The following SOD2 variants were observed in gnomAD, a reference collection of about 807,000 sequenced individuals.
The protein encoded by SOD2 is superoxide dismutase [Mn], mitochondrial.
In SOD2, 11 loss-of-function variants were observed where a neutral mutation model predicts 27.0. The observed-to-expected ratio is 0.41, with a 90% CI of 0.26 to 0.67. SOD2 has a LOEUF of 0.67. SOD2 is among the 30% of genes least tolerant of loss of function. The probability of loss-of-function intolerance (pLI) is 0.34; values close to 1 mark genes in which losing one functional copy is unlikely to be tolerated. For synonymous variants in SOD2, 105 were observed against 103.0 expected (o/e 1.02, Z -0.12); for missense variants, 250 against 274.5 (o/e 0.91, Z 0.63).
rs1779937517 is a variant in SOD2, at chr6:159,681,104, G to A, written c.*1389C>T. ...CAGATGATGAAACAACATGGCAAAT[G>A]TATGATGCTAAGCCAAATATACAAA... On this transcript the variant is annotated 3_prime_UTR_variant, in exon 5 of 5. Coordinates refer to ENST00000538183, the MANE Select transcript of SOD2 (RefSeq NM_000636.4). The A allele has an allele frequency of 6.6e-6, 1 of 152,106 alleles. No individual in the cohort carries two copies. Among genetic ancestry groups the A allele is most frequent in the African/African-American group, 2.4e-5 (1 of 41,414 alleles). The allele number at this position is 152,106 out of a possible 1,614,324, so 9.4% of individuals were successfully genotyped here. A position where few individuals can be genotyped will look rare whatever the true frequency, so the allele number is the denominator to read the frequency against.
chr6:159,693,564 C>G (rs1351384331), upstream of SOD2, among the ~76,000 whole-genome samples: 2 of 152,198 alleles, frequency 1.3e-5, no homozygotes, highest in African/African-American at 4.8e-5. Context: ...GCCCGAAGGC[C>G]CTGCCTCCGG....
chr6:159,743,383 C>A (rs917571823), intron 1 of SOD2, among the ~76,000 whole-genome samples: 1 of 152,212 alleles, frequency 6.6e-6, no homozygotes, highest in Non-Finnish European at 1.5e-5. Flanking sequence ...ACATACTAAT[C>A]AGGATTTTGT....
Position 159,759,627 on chromosome 6 carries a change from G to A in SOD2, c.-336+1410C>T, listed in dbSNP as rs977374171. Among the ~76,000 whole-genome samples the A allele has an allele frequency of 8.3e-4, 123 of 147,972 alleles. 1 individual carries two copies. The highest frequency in any genetic ancestry group is 1.5e-3 in the Non-Finnish European group (101 of 67,480). Reference sequence around the variant, plus strand: ...GGAGGTTGTGGTGAGCCGAGATAGCGCCACTGCACTCCAGCCTGGGTGACA... The same window carrying A: ...GGAGGTTGTGGTGAGCCGAGATAGCACCACTGCACTCCAGCCTGGGTGACA... On this transcript the variant is annotated intron_variant, in intron 1 of 7. Transcript: ENST00000546087.
At chr6:159,748,973 A>C (rs1374703653), upstream of SOD2, 1 of 1,055,686 alleles carries the variant, frequency 9.5e-7, no homozygotes, top group Non-Finnish European at 1.1e-6. The surrounding 1 kb of genome is among the most constrained non-coding windows in gnomAD (Gnocchi z 5.6). Flanking sequence ...GCTGAGAACC[A>C]ACTTTCAATA....
upstream of SOD2, chr6:159,727,528 C>T (rs931243311): frequency 7.2e-5 from 71 of 991,984 alleles, no homozygotes; most frequent in Non-Finnish European, 1.7e-5. Context: ...CATTTTGTGG[C>T]AGCGAGACCC....
At chr6:159,690,308 T>TAAA (rs1780396812) in intron 2 of SOD2, among the ~76,000 whole-genome samples, 1 of 112,570 alleles carries the variant, frequency 8.9e-6, no homozygotes, top group African/African-American at 3.5e-5. Context: ...AAAAAAAAAG[T>TAAA]ATGTCTGACT....
upstream of SOD2, among the ~76,000 whole-genome samples, chr6:159,697,034 GACACACACACACACACACACACACAC>G (rs35334577): frequency 7.5e-6 from 1 of 132,648 alleles, no homozygotes. Context: ...AGGAGACCCT[GACACACACACACACACACACACACAC>G]ACACACACAC....
intron 2 of SOD2, among the ~76,000 whole-genome samples, chr6:159,689,617 T>A (rs919485525): frequency 1.3e-5 from 2 of 152,202 alleles, no homozygotes; most frequent in African/African-American, 4.8e-5. Context: ...TCAAGGAGCT[T>A]ACATTTTGGA....
Position 159,692,675 on chromosome 6 carries a change from T to C in SOD2, c.212A>G (p.Glu71Gly). ...NLNVTEEKYQ[E>G]ALAKGDVTAQ... ...CTGGAACCTACCCTTGGCCAACGCC[T>C]CCTGGTACTTCTCCTCGGTGACGTT... Residue 71 changes from glutamate (E) to glycine (G), a missense_variant, in exon 2 of 5, where the codon GAG becomes GGG. By Grantham distance (98) the Glu-to-Gly change is moderately conservative. Coordinates refer to ENST00000538183, the MANE Select transcript of SOD2 (RefSeq NM_000636.4). The C allele has an allele frequency of 1.2e-6, 2 of 1,613,972 alleles. No individual in the cohort carries two copies. Among genetic ancestry groups the C allele is most frequent in the Non-Finnish European group, 1.7e-6 (2 of 1,179,974 alleles).
At chr6:159,682,695 T>A in intron 4 of SOD2, 57 bp from the exon 5 acceptor site, 1 of 1,504,932 alleles carries the variant, frequency 6.6e-7, no homozygotes, top group Non-Finnish European at 8.9e-7. Context: ...AAACATTGCA[T>A]CTTCTCAATT....
chr6:159,711,858 T>C (rs111627887), intron 1 of SOD2, among the ~76,000 whole-genome samples: 14 of 96,710 alleles, frequency 1.4e-4, no homozygotes, highest in East Asian at 4.0e-4. Flanking sequence ...ACCACCTCCA[T>C]AACCACCAGT....
chr6:159,715,712 C>G (rs1249832771), intron 1 of SOD2, among the ~76,000 whole-genome samples: 1 of 152,032 alleles, frequency 6.6e-6, no homozygotes, highest in Non-Finnish European at 1.5e-5. Flanking sequence ...CCAGCCTGGC[C>G]AACATGGTGA....
At chr6:159,762,009 C>T in exon 1 of SOD2, 1 of 1,540,264 alleles carries the variant, frequency 6.5e-7, no homozygotes, top group Non-Finnish European at 8.9e-7. Context: ...GTCCCGCCCG[C>T]GGCAGGCCTG....
At chr6:159,686,493 A>G (rs1780191890) in intron 3 of SOD2, among the ~76,000 whole-genome samples, 1 of 151,946 alleles carries the variant, frequency 6.6e-6, no homozygotes, top group Non-Finnish European at 1.5e-5. Context: ...TAAAAATACA[A>G]AAAAATTAGC....
chr6:159,674,796 G>T lies in SOD2; in HGVS notation c.*7697C>A, dbSNP rs1562410353. 6.6e-6 allele frequency: 1 copy of T among 152,218 alleles called. No individual in the cohort carries two copies. The allele number at this position is 152,218 out of a possible 1,614,324, so 9.4% of individuals were successfully genotyped here. Reference sequence around the variant, plus strand: ...AAAGGGTATTCAATAAGGAAAAGAGGAAGTCAAATTGTCCCTGTTTGCAGA... The same window carrying T: ...AAAGGGTATTCAATAAGGAAAAGAGTAAGTCAAATTGTCCCTGTTTGCAGA... On this transcript the variant is annotated 3_prime_UTR_variant, in exon 5 of 5. Coordinates refer to ENST00000538183, the MANE Select transcript of SOD2 (RefSeq NM_000636.4).
chr6:159,726,745 C>A, intron 1 of SOD2: 3 of 1,282,760 alleles, frequency 2.3e-6, no homozygotes, highest in South Asian at 2.5e-5. Flanking sequence ...AATAGCTCCT[C>A]GATGCGTCTC....
chr6:159,709,425 A>G (rs1777688278), intron 1 of SOD2, among the ~76,000 whole-genome samples: 1 of 152,208 alleles, frequency 6.6e-6, no homozygotes, highest in African/African-American at 2.4e-5. Context: ...TACAAGAAAA[A>G]AACAAACAAC....
At chr6:159,704,433 T>G (rs1777583144) in intron 1 of SOD2, among the ~76,000 whole-genome samples, 1 of 152,218 alleles carries the variant, frequency 6.6e-6, no homozygotes. Flanking sequence ...ACCCTAATAC[T>G]GCGCTTTTCC....
intron 1 of SOD2, among the ~76,000 whole-genome samples, chr6:159,734,549 A>G (rs889126824): frequency 6.6e-6 from 1 of 152,102 alleles, no homozygotes; most frequent in African/African-American, 2.4e-5. Flanking sequence ...TGATCCTTCC[A>G]CAGGTAGTTC....
Sources: gnomAD v4.1 joint callset for allele counts (sites outside exome capture counted in the v4.1 genomes callset) on GRCh38, gnomAD v4.1.1 for gene constraint, Gnocchi (gnomAD v3.1) non-coding constraint, MANE v1.5 for transcripts, NCBI Gene and HGNC (gene_info 2026-07-23, HGNC 2026-07-21) for gene names.